Variants in ZC3H18 observed in about 807,000 individuals in gnomAD.
The protein encoded by ZC3H18 is zinc finger CCCH domain-containing protein 18.
Under a neutral mutation model 106.1 loss-of-function variants are expected in ZC3H18, and 8 were observed. That is an observed-to-expected ratio of 0.08 (90% CI 0.04 to 0.14). The LOEUF (loss-of-function observed/expected upper bound fraction) is 0.14, where lower values mean the gene tolerates loss of function less well. ZC3H18 is among the 10% of genes least tolerant of loss of function. The probability of loss-of-function intolerance (pLI) is 1.00; values close to 1 mark genes in which losing one functional copy is unlikely to be tolerated. For synonymous variants in ZC3H18, 635 were observed against 522.1 expected (o/e 1.22, Z -2.95); for missense variants, 1,318 against 1,278.4 (o/e 1.03, Z -0.47).
At chr16:88,618,617 C>A (rs4782305) in intron 8 of ZC3H18, among the ~76,000 whole-genome samples, 35,891 of 152,074 alleles carry the variant, frequency 0.24, 4,672 homozygotes, top group East Asian at 0.37. Flanking sequence ...GTGCCAGCCT[C>A]GGGCCCTTGG....
At chr16:88,605,742 C>T (rs980707764) in intron 6 of ZC3H18, among the ~76,000 whole-genome samples, 1 of 152,234 alleles carries the variant, frequency 6.6e-6, no homozygotes, top group African/African-American at 2.4e-5. Context: ...AATGGTTAAA[C>T]AAAGTGATCT....
Position 88,575,417 on chromosome 16 carries a change from TA to T in ZC3H18, c.-14-1691del, listed in dbSNP as rs1030512449. Among the ~76,000 whole-genome samples, 3 of 152,012 alleles carry T rather than the reference TA, an allele frequency of 2.0e-5. 1 individual carries two copies. Among genetic ancestry groups the T allele is most frequent in the African/African-American group, 7.2e-5 (3 of 41,436 alleles). ...AGTGTGACCGTGACATACGTTATTT[TA>T]ACAGCCTCACAGACTGAACAGTCAA... On this transcript the variant is annotated intron_variant, in intron 1 of 17. Transcript: ENST00000301011.
intron 9 of ZC3H18, 50 bp downstream of exon 9, chr16:88,622,438 A>C (rs1456446356): frequency 2.6e-6 from 4 of 1,525,944 alleles, no homozygotes; most frequent in Non-Finnish European, 3.5e-6. Flanking sequence ...TGGAGCCGTC[A>C]GCTGACACCA....
intron 8 of ZC3H18, among the ~76,000 whole-genome samples, chr16:88,619,472 C>T (rs557549022): frequency 2.0e-5 from 3 of 152,142 alleles, no homozygotes; most frequent in Admixed American, 6.5e-5. Flanking sequence ...GGTGCAGGCC[C>T]GTCCACAGCC....
chr16:88,608,123 G>C (rs528290928), intron 6 of ZC3H18, among the ~76,000 whole-genome samples: 2 of 152,160 alleles, frequency 1.3e-5, no homozygotes, highest in East Asian at 3.9e-4. Context: ...TTCATGTATA[G>C]TATCATATCA....
At chr16:88,617,026 G>T (rs1905654858) in intron 8 of ZC3H18, among the ~76,000 whole-genome samples, 2 of 152,172 alleles carry the variant, frequency 1.3e-5, no homozygotes, top group Non-Finnish European at 2.9e-5. Flanking sequence ...GGTGCCATGG[G>T]TGTCCTGGGT....
At chr16:88,617,313 G>A (rs1905678265) in intron 8 of ZC3H18, among the ~76,000 whole-genome samples, 2 of 152,144 alleles carry the variant, frequency 1.3e-5, no homozygotes, top group African/African-American at 2.4e-5. Flanking sequence ...TGGAGACGGA[G>A]TTGTGCCGCT....
intron 8 of ZC3H18, among the ~76,000 whole-genome samples, chr16:88,614,519 C>T (rs1449105607): frequency 1.3e-5 from 2 of 152,228 alleles, no homozygotes; most frequent in African/African-American, 2.4e-5. Context: ...TGGCAAGTGC[C>T]AGTTTTGACT....
At chr16:88,630,133 C>T (rs528600492) in intron 16 of ZC3H18, 20 of 233,504 alleles carry the variant, frequency 8.6e-5, no homozygotes, top group African/African-American at 3.2e-4. Context: ...CCTAGTCTCT[C>T]GGCTTTGCTT....
intron 3 of ZC3H18, among the ~76,000 whole-genome samples, chr16:88,597,500 A>T (rs990851217): frequency 2.0e-5 from 3 of 152,240 alleles, no homozygotes; most frequent in African/African-American, 7.2e-5. Flanking sequence ...AGTACATTTT[A>T]AAAAAGTGAT....
At chr16:88,571,914 T>C (rs919141938) in intron 1 of ZC3H18, among the ~76,000 whole-genome samples, 1 of 152,230 alleles carries the variant, frequency 6.6e-6, no homozygotes, top group Admixed American at 6.5e-5. Flanking sequence ...TACTGCTCTG[T>C]TGAAAGTAAT....
At chr16:88,587,231 C>T (rs1202200144) in intron 3 of ZC3H18, among the ~76,000 whole-genome samples, 1 of 152,160 alleles carries the variant, frequency 6.6e-6, no homozygotes, top group Non-Finnish European at 1.5e-5. Flanking sequence ...AAGAAAGTGT[C>T]AGAAAAGTCT....
chr16:88,591,775 C>A (rs1390411964), intron 3 of ZC3H18, among the ~76,000 whole-genome samples: 3 of 152,196 alleles, frequency 2.0e-5, no homozygotes, highest in African/African-American at 7.2e-5. Context: ...TGCTGATGAC[C>A]TGGTGGTTGT....
chr16:88,587,340 G>C (rs1345844485), intron 3 of ZC3H18, among the ~76,000 whole-genome samples: 4 of 152,248 alleles, frequency 2.6e-5, no homozygotes, highest in Non-Finnish European at 4.4e-5. Context: ...AAATGGAAAT[G>C]AGAATTTCCA....
chr16:88,584,080 T>A (rs1457332942), intron 2 of ZC3H18, among the ~76,000 whole-genome samples: 2 of 152,214 alleles, frequency 1.3e-5, no homozygotes, highest in African/African-American at 4.8e-5. Context: ...TTATTTATTT[T>A]GGGAGGTTAA....
At chr16:88,625,636 A>G in intron 13 of ZC3H18, 1 of 252,322 alleles carries the variant, frequency 4.0e-6, no homozygotes, top group Non-Finnish European at 7.8e-6. Flanking sequence ...GTGACCTATC[A>G]CACCTGTCGA....
intron 6 of ZC3H18, among the ~76,000 whole-genome samples, chr16:88,607,080 C>A (rs769339702): frequency 7.2e-5 from 11 of 152,294 alleles, no homozygotes; most frequent in African/African-American, 2.4e-4. Context: ...GCAGGCCCCC[C>A]CCAACCCTGT....
chr16:88,590,970 ACT>A lies in ZC3H18; in HGVS notation c.688+4287_688+4288del, dbSNP rs751405932. Among the ~76,000 whole-genome samples the A allele has an allele frequency of 4.1e-4, 53 of 128,822 alleles. 1 individual carries two copies. The highest frequency in any genetic ancestry group is 4.7e-3 in the Middle Eastern group (1 of 214). The allele number at this position is 128,822 out of a possible 152,430, so 84.5% of individuals were successfully genotyped here. A position where few individuals can be genotyped will look rare whatever the true frequency, so the allele number is the denominator to read the frequency against. On this transcript the variant is annotated intron_variant, in intron 3 of 17. Coordinates refer to ENST00000301011, the MANE Select transcript of ZC3H18 (RefSeq NM_144604.4). Reference sequence around the variant, plus strand: ...TAATTTTTTAAAATTGTGGTGGAATACTTTTTTTTTTTTTTTTTGAGATGGAG... The same window carrying A: ...TAATTTTTTAAAATTGTGGTGGAATATTTTTTTTTTTTTTTTGAGATGGAG...
chr16:88,631,079 G>A (rs2291160), intron 17 of ZC3H18, 22 bp from the exon 18 acceptor site: 712,076 of 1,610,128 alleles, frequency 0.44, 160,767 homozygotes, highest in Admixed American at 0.57. Flanking sequence ...GGGGGCTCAA[G>A]GTCTTCCCCA....
Sources: gnomAD v4.1 joint callset for allele counts (sites outside exome capture counted in the v4.1 genomes callset) on GRCh38, gnomAD v4.1.1 for gene constraint, MANE v1.5 for transcripts, NCBI Gene and HGNC (gene_info 2026-07-23, HGNC 2026-07-21) for gene names.